SPOCK1: variants seen among roughly 807,000 people sequenced by gnomAD.
SPOCK1 encodes SPARC (osteonectin), cwcv and kazal like domains proteoglycan 1, also known as testican-1.
A neutral mutation model predicts 55.3 loss-of-function variants in SPOCK1; 23 were observed. That is an observed-to-expected ratio of 0.42 (90% CI 0.30 to 0.59). The LOEUF is 0.59. Among genes scored for constraint, SPOCK1 ranks in the 20% least tolerant of loss-of-function variants. SPOCK1 has a pLI of 0.22. For synonymous variants in SPOCK1, 226 were observed against 221.0 expected, an observed-to-expected ratio of 1.02 and a Z score of -0.20; for missense variants, 499 against 552.5, an observed-to-expected ratio of 0.90 and a Z score of 0.97.
chr5:137,213,137 GAA>G (rs548017416), intron 3 of SPOCK1, among the ~76,000 whole-genome samples: 82 of 152,156 alleles, frequency 5.4e-4, no homozygotes, highest in Non-Finnish European at 8.4e-4. Flanking sequence ...TGATGAGGGG[GAA>G]AAGAGTGGAG....
intron 2 of SPOCK1, among the ~76,000 whole-genome samples, chr5:137,272,965 TAC>T (rs149837317): frequency 6.6e-6 from 1 of 152,302 alleles, no homozygotes; most frequent in East Asian, 1.9e-4. Flanking sequence ...TGTATGTTTA[TAC>T]ACACACTCTA....
intron 2 of SPOCK1, among the ~76,000 whole-genome samples, chr5:137,351,044 G>C (rs887611058): frequency 6.6e-6 from 1 of 152,096 alleles, no homozygotes; most frequent in Non-Finnish European, 1.5e-5. Context: ...TGGCAGGTTC[G>C]GCAAATTCCA....
chr5:137,200,875 C>G (rs1370018920), intron 3 of SPOCK1, among the ~76,000 whole-genome samples: 2 of 152,090 alleles, frequency 1.3e-5, no homozygotes, highest in Admixed American at 6.6e-5. Flanking sequence ...GAACCCAGAG[C>G]CGATTCTAGA....
At chr5:137,149,376 G>A (rs903208174) in intron 3 of SPOCK1, among the ~76,000 whole-genome samples, 3 of 152,154 alleles carry the variant, frequency 2.0e-5, no homozygotes, top group African/African-American at 7.2e-5. Flanking sequence ...TTATTAAAAT[G>A]CTATAATAGT....
intron 2 of SPOCK1, among the ~76,000 whole-genome samples, chr5:137,478,562 C>T (rs1471285222): frequency 1.3e-5 from 2 of 152,030 alleles, no homozygotes; most frequent in East Asian, 3.9e-4. Flanking sequence ...ACAAGCTTTC[C>T]CCCCAGCCCC....
At chr5:137,394,029 T>TAAAA (rs1380770882) in intron 2 of SPOCK1, among the ~76,000 whole-genome samples, 1 of 152,176 alleles carries the variant, frequency 6.6e-6, no homozygotes, top group East Asian at 1.9e-4. Flanking sequence ...AAGTAATAAA[T>TAAAA]CCTTCAAAAT....
intron 3 of SPOCK1, among the ~76,000 whole-genome samples, chr5:137,208,245 G>T (rs1383214641): frequency 1.3e-5 from 2 of 152,176 alleles, no homozygotes; most frequent in Non-Finnish European, 2.9e-5. Context: ...GGATGGCAGA[G>T]CAGGGAGCTC....
intron 3 of SPOCK1, among the ~76,000 whole-genome samples, chr5:137,242,258 C>T (rs1756297032): frequency 6.6e-6 from 1 of 152,070 alleles, no homozygotes; most frequent in South Asian, 2.1e-4. Flanking sequence ...TCCCATAATC[C>T]CCAGGTCATG....
At chr5:137,435,752 T>C (rs1752851395) in intron 2 of SPOCK1, among the ~76,000 whole-genome samples, 1 of 152,252 alleles carries the variant, frequency 6.6e-6, no homozygotes, top group Admixed American at 6.5e-5. Context: ...GTGTTGTTCT[T>C]ATTTCTATAT....
At chr5:137,320,936 T>G (rs1452547346) in intron 2 of SPOCK1, among the ~76,000 whole-genome samples, 1 of 152,184 alleles carries the variant, frequency 6.6e-6, no homozygotes, top group East Asian at 1.9e-4. Flanking sequence ...AAGAGTTATA[T>G]GAATTATCTC....
intron 9 of SPOCK1, among the ~76,000 whole-genome samples, chr5:136,982,142 C>G (rs1055060852): frequency 2.0e-5 from 3 of 152,130 alleles, no homozygotes; most frequent in African/African-American, 7.2e-5. Flanking sequence ...GACAAAGTCA[C>G]CTAATGACAC....
chr5:137,017,341 T>C (rs1561580740), intron 6 of SPOCK1, among the ~76,000 whole-genome samples: 1 of 152,224 alleles, frequency 6.6e-6, no homozygotes, highest in Non-Finnish European at 1.5e-5. Context: ...CTGAGGCTGG[T>C]GTTCTTGCTT....
chr5:137,221,366 T>G (rs1434630), intron 3 of SPOCK1, among the ~76,000 whole-genome samples: 120,780 of 152,128 alleles, frequency 0.79, 48,334 homozygotes, highest in Non-Finnish European at 0.85. Flanking sequence ...GAGACAGCAC[T>G]CCTAACCCCC....
At chr5:137,228,189 A>T (rs1451474799) in intron 3 of SPOCK1, among the ~76,000 whole-genome samples, 6 of 152,238 alleles carry the variant, frequency 3.9e-5, no homozygotes, top group Non-Finnish European at 8.8e-5. Flanking sequence ...GCTTCAGCCA[A>T]CATGAATGAC....
At chr5:137,252,962 A>T (rs181757836) in intron 3 of SPOCK1, among the ~76,000 whole-genome samples, 185 of 151,984 alleles carry the variant, frequency 1.2e-3, no homozygotes, top group South Asian at 7.5e-3. Flanking sequence ...CTCGGTGGTT[A>T]CTCTGTAAAG....
intron 2 of SPOCK1, among the ~76,000 whole-genome samples, chr5:137,367,413 C>T (rs956458243): frequency 4.6e-5 from 7 of 152,176 alleles, no homozygotes; most frequent in Admixed American, 3.9e-4. Context: ...AACCAAGTCA[C>T]TGAGTATTTC....
At chr5:137,007,942 A>G (rs1751281960) in intron 6 of SPOCK1, among the ~76,000 whole-genome samples, 2 of 152,246 alleles carry the variant, frequency 1.3e-5, no homozygotes, top group Admixed American at 6.5e-5. Flanking sequence ...TATACACCAC[A>G]GAATACTATG....
At chr5:137,345,613 G>C (rs1323749670) in intron 2 of SPOCK1, among the ~76,000 whole-genome samples, 1 of 152,162 alleles carries the variant, frequency 6.6e-6, no homozygotes, top group Non-Finnish European at 1.5e-5. Context: ...TGGCTCTTTA[G>C]CTCTGGCTCT....
chr5:137,454,303 G>A (rs1753319654), intron 2 of SPOCK1, among the ~76,000 whole-genome samples: 1 of 152,252 alleles, frequency 6.6e-6, no homozygotes, highest in East Asian at 1.9e-4. Context: ...GGCAACCACA[G>A]GGTGGGTTAT....
Sources: gnomAD v4.1 joint callset for allele counts (sites outside exome capture counted in the v4.1 genomes callset) on GRCh38, gnomAD v4.1.1 for gene constraint, MANE v1.5 for transcripts, NCBI Gene and HGNC (gene_info 2026-07-23, HGNC 2026-07-21) for gene names.